The following SPTAN1 variants were observed in gnomAD, a reference collection of about 807,000 sequenced individuals.
SPTAN1 encodes the protein spectrin alpha, non-erythrocytic 1.
Under a neutral mutation model 331.3 loss-of-function variants are expected in SPTAN1, and 61 were observed. That is an observed-to-expected ratio of 0.18 (90% confidence interval 0.15 to 0.23). SPTAN1 has a LOEUF of 0.23. Ranked by LOEUF, SPTAN1 falls within the 10% of genes least tolerant of loss-of-function variation. SPTAN1 has a pLI of 1.00. For missense variants in SPTAN1, 2,043 were observed against 3,147.9 expected (o/e 0.65, Z 8.40); for synonymous variants, 1,153 against 1,173.9 (o/e 0.98, Z 0.36).
chr9:128,576,748 G>A (rs892443423), intron 5 of SPTAN1, 75 bp from the exon 6 acceptor site: 5 of 1,589,720 alleles, frequency 3.1e-6, no homozygotes, highest in Non-Finnish European at 4.3e-6. Flanking sequence ...ATGCTTCAAG[G>A]AACCAACCCC....
intron 5 of SPTAN1, among the ~76,000 whole-genome samples, chr9:128,576,050 T>C (rs1851272035): frequency 6.6e-6 from 1 of 152,174 alleles, no homozygotes; most frequent in African/African-American, 2.4e-5. Flanking sequence ...CTCAGAAATA[T>C]CTCACCCTTC....
At chr9:128,564,285 G>C (rs780506791) in intron 1 of SPTAN1, among the ~76,000 whole-genome samples, 9 of 152,168 alleles carry the variant, frequency 5.9e-5, no homozygotes, top group Non-Finnish European at 1.3e-4. Flanking sequence ...TAGGCACCAT[G>C]ATGGGCGCCT....
chr9:128,600,000 A>G, intron 26 of SPTAN1, 80 bp from the exon 27 acceptor site: 1 of 1,438,506 alleles, frequency 7.0e-7, no homozygotes, highest in Non-Finnish European at 9.8e-7. Flanking sequence ...GGGGGAAACT[A>G]GAGTCATTCG....
intron 1 of SPTAN1, among the ~76,000 whole-genome samples, chr9:128,562,448 G>A (rs1341629653): frequency 6.6e-6 from 1 of 152,138 alleles, no homozygotes; most frequent in African/African-American, 2.4e-5. Flanking sequence ...GGAGAGGAGA[G>A]TGCACTCCTG....
At chr9:128,574,996 A>G (rs1017793265) in intron 4 of SPTAN1, among the ~76,000 whole-genome samples, 181 bp downstream of exon 4, 2 of 146,244 alleles carry the variant, frequency 1.4e-5, no homozygotes, top group Non-Finnish European at 3.1e-5. Flanking sequence ...GTAACTCTGA[A>G]GCCTGGAGTC....
At chr9:128,609,517 A>T (rs919314431) in intron 36 of SPTAN1, 134 bp from the exon 37 acceptor site, 10 of 947,732 alleles carry the variant, frequency 1.1e-5, no homozygotes, top group African/African-American at 1.7e-5. Context: ...AGTCTATAGA[A>T]TCCCCCTTCT....
chr9:128,576,164 A>G (rs2130993225), intron 5 of SPTAN1, among the ~76,000 whole-genome samples: 1 of 152,286 alleles, frequency 6.6e-6, no homozygotes, highest in African/African-American at 2.4e-5. Context: ...GGATTCAAGA[A>G]CCCTGAAATG....
chr9:128,598,009 C>T (rs775715661), intron 24 of SPTAN1, among the ~76,000 whole-genome samples: 22 of 151,688 alleles, frequency 1.5e-4, no homozygotes, highest in Non-Finnish European at 2.2e-4. Context: ...AGTGCAATGG[C>T]GCAATCTCAG....
chr9:128,611,796 A>C lies in SPTAN1; in HGVS notation c.4856A>C (p.Asn1619Thr). 1 of 1,613,964 alleles carries C rather than the reference A, an allele frequency of 6.2e-7. No individual in the cohort carries two copies. Among genetic ancestry groups the C allele is most frequent in the Non-Finnish European group, 8.5e-7 (1 of 1,180,010 alleles). Residue 1619 changes from asparagine to threonine, a missense_variant, in exon 38 of 57, where the codon AAC becomes ACC. Physicochemically the swap from Asn to Thr is moderately conservative, Grantham distance 65. Around this residue, in one of 12 missense-constraint regions of SPTAN1, gnomAD observed 323 missense variants for 581.1 expected, o/e 0.56. Coordinates refer to ENST00000372739, the MANE Select transcript of SPTAN1 (RefSeq NM_001130438.3). ...ATCCGTGGGGTTATCGACATGGGCA[A>C]CTCCCTCATTGAACGTGGAGCCTGT... The part of the protein sequence containing the change: ...DRIRGVIDMG[N>T]SLIERGACAG...
chr9:128,613,692 C>T (rs1856810085), intron 40 of SPTAN1, among the ~76,000 whole-genome samples: 1 of 152,160 alleles, frequency 6.6e-6, no homozygotes, highest in East Asian at 1.9e-4. Flanking sequence ...TATCAATGCT[C>T]ACCATTATTA....
intron 3 of SPTAN1, among the ~76,000 whole-genome samples, chr9:128,570,269 A>C (rs567607738): frequency 5.6e-4 from 83 of 148,574 alleles, no homozygotes; most frequent in African/African-American, 2.0e-3. Flanking sequence ...GACTTTATTC[A>C]TGTCTATTAG....
intron 1 of SPTAN1, chr9:128,553,119 G>A (rs1177142944): frequency 6.6e-6 from 1 of 152,240 alleles, no homozygotes; most frequent in Non-Finnish European, 1.5e-5. Context: ...TCCCTCGGCC[G>A]GGAGCGACTT....
rs142557287 is a variant in SPTAN1 at position 128,555,054 on chromosome 9, T to C, written c.-4+2358T>C. On this transcript the variant is annotated intron_variant, in intron 1 of 56. Coordinates refer to ENST00000372739, the MANE Select transcript of SPTAN1 (RefSeq NM_001130438.3). ...GTTTAGTTTGAAAAAGTATATTCGG[T>C]ATTATTACTTTAACAAGTGGGGAAA... is the stretch of plus-strand genomic sequence containing the variant. 3.2e-3 allele frequency among the ~76,000 whole-genome samples: 493 copies of C among 152,180 alleles called. 3 individuals carry two copies. Among genetic ancestry groups the C allele is most frequent in the African/African-American group, 0.011 (461 of 41,502 alleles).
At chr9:128,555,848 G>A (rs1848578617) in intron 1 of SPTAN1, among the ~76,000 whole-genome samples, 1 of 152,032 alleles carries the variant, frequency 6.6e-6, no homozygotes. Context: ...GACAAATATT[G>A]TAAACTTGGG....
intron 1 of SPTAN1, among the ~76,000 whole-genome samples, chr9:128,560,232 C>T (rs995011833): frequency 4.0e-5 from 6 of 151,390 alleles, no homozygotes; most frequent in Admixed American, 3.3e-4. Flanking sequence ...TACAGGCGCA[C>T]GCCGCCACAC....
At chr9:128,593,095 A>G in intron 23 of SPTAN1, 53 bp downstream of exon 23, 8 of 1,555,998 alleles carry the variant, frequency 5.1e-6, no homozygotes, top group South Asian at 1.2e-5. Context: ...TACCCTATCC[A>G]TTCTCCCTCT....
chr9:128,589,291 T>C (rs1853115790), intron 21 of SPTAN1, among the ~76,000 whole-genome samples: 1 of 63,760 alleles, frequency 1.6e-5, no homozygotes, highest in African/African-American at 4.9e-5. Flanking sequence ...TTTTCTTTTC[T>C]TTTTTTTTTT....
rs1589296272 is a variant in SPTAN1 at position 128,605,148 on chromosome 9, C to T, written c.3834C>T (p.Phe1278=). ...CCCTGCAACGCAAGCATGAGGGCTT[C>T]GAGAGGGACCTTGCGGCTCTCGGTG... is the stretch of plus-strand genomic sequence containing the variant. ...VQALQRKHEG[F]ERDLAALGDK... The change falls in exon 30 of 57, where the codon TTC becomes TTT. Residue 1278 remains phenylalanine (F), a synonymous_variant. Coordinates refer to ENST00000372739, the MANE Select transcript of SPTAN1 (RefSeq NM_001130438.3). The T allele has an allele frequency of 1.9e-6, 3 of 1,613,634 alleles. No individual in the cohort carries two copies. Among genetic ancestry groups the T allele is most frequent in the Non-Finnish European group, 2.5e-6 (3 of 1,179,938 alleles).
At chr9:128,593,709 A>G (rs2131352048) in intron 23 of SPTAN1, 1 of 224,668 alleles carries the variant, frequency 4.5e-6, no homozygotes, top group East Asian at 9.9e-5. Flanking sequence ...AACATCCTAT[A>G]TGAGGATATT....
Sources: allele counts gnomAD v4.1 joint callset (sites outside exome capture counted in the v4.1 genomes callset), GRCh38; gene constraint gnomAD v4.1.1; regional missense constraint gnomAD v4.1.1; transcripts MANE v1.5; gene names NCBI Gene and HGNC (gene_info 2026-07-23, HGNC 2026-07-21).